GJB7: variants seen among roughly 807,000 people sequenced by gnomAD.
The protein encoded by GJB7 is gap junction beta-7 protein.
For missense variants in GJB7, 253 were observed against 256.8 expected, an observed-to-expected ratio of 0.99 and a Z score of 0.10; for synonymous variants, 87 against 95.2, an observed-to-expected ratio of 0.91 and a Z score of 0.50.
At chr6:87,308,614 GAA>G (rs1257302490) in intron 2 of GJB7, among the ~76,000 whole-genome samples, 2 of 152,090 alleles carry the variant, frequency 1.3e-5, no homozygotes, top group Non-Finnish European at 2.9e-5. Context: ...CAAAATGAGA[GAA>G]AAGAGAAAAT....
intron 2 of GJB7, among the ~76,000 whole-genome samples, chr6:87,313,263 G>C (rs1776535906): frequency 6.6e-6 from 1 of 152,310 alleles, no homozygotes; most frequent in African/African-American, 2.4e-5. Flanking sequence ...AAATAAAAGA[G>C]AAGGAATTCT....
intron 2 of GJB7, chr6:87,299,117 T>C: frequency 4.1e-6 from 2 of 485,686 alleles, no homozygotes; most frequent in South Asian, 3.0e-5. Flanking sequence ...TGTACTGCCA[T>C]GCTCTTTTGC....
intron 2 of GJB7, among the ~76,000 whole-genome samples, chr6:87,314,966 G>A (rs563786114): frequency 3.7e-4 from 56 of 152,030 alleles, no homozygotes; most frequent in Non-Finnish European, 7.2e-4. Flanking sequence ...GGTAACTCAG[G>A]AATCTCTCTT....
rs1266807656 is a variant in GJB7 at position 87,284,584 on chromosome 6, T to C, written c.329A>G (p.Tyr110Cys). The C allele has an allele frequency of 3.1e-6, 5 of 1,614,008 alleles. No homozygotes were observed. Among genetic ancestry groups the C allele is most frequent in the Non-Finnish European group, 4.2e-6 (5 of 1,179,998 alleles). The change falls in exon 3 of 3, where the codon TAT becomes TGT. Residue 110 changes from tyrosine to cysteine, a missense_variant. Physicochemically the swap from Tyr to Cys is radical, Grantham distance 194 (BLOSUM62 -2). Coordinates refer to ENST00000525899, the MANE Select transcript of GJB7 (RefSeq NM_198568.3). ...GREKRHRKKL[Y>C]VSPGTMDGGL... is the part of the protein sequence containing the mutation. ...CCCATCCATTGTACCTGGGCTGACATAGAGTTTCTTTCTGTGCCTTTTCTC... is the reference window on the plus strand; with the variant it reads ...CCCATCCATTGTACCTGGGCTGACACAGAGTTTCTTTCTGTGCCTTTTCTC...
intron 1 of GJB7, among the ~76,000 whole-genome samples, chr6:87,328,582 A>T (rs1776901966): frequency 6.6e-6 from 1 of 152,006 alleles, no homozygotes; most frequent in South Asian, 2.1e-4. Context: ...GGGGTCAGGG[A>T]CCCACTTGAG....
chr6:87,303,934 A>G (rs434994), intron 2 of GJB7, among the ~76,000 whole-genome samples: 77,773 of 152,056 alleles, frequency 0.51, 20,518 homozygotes, highest in Non-Finnish European at 0.58. Context: ...TACAGGGTAC[A>G]TAATGAAATG....
intron 2 of GJB7, among the ~76,000 whole-genome samples, chr6:87,289,929 T>A (rs1486265792): frequency 6.6e-6 from 1 of 152,218 alleles, no homozygotes; most frequent in Non-Finnish European, 1.5e-5. Flanking sequence ...AGTGCTGGTT[T>A]GAAACTTGTG....
intron 2 of GJB7, among the ~76,000 whole-genome samples, chr6:87,292,601 G>A (rs1278381854): frequency 6.6e-6 from 1 of 152,136 alleles, no homozygotes; most frequent in Non-Finnish European, 1.5e-5. Context: ...GTGATTTAAA[G>A]TACTTTATCC....
intron 2 of GJB7, among the ~76,000 whole-genome samples, chr6:87,295,414 G>C (rs774062215): frequency 6.6e-6 from 1 of 152,176 alleles, no homozygotes; most frequent in Non-Finnish European, 1.5e-5. Context: ...CAAATGACAA[G>C]TGTTTTTGAG....
intron 2 of GJB7, among the ~76,000 whole-genome samples, chr6:87,306,668 T>G (rs1331797604): frequency 6.6e-6 from 1 of 152,058 alleles, no homozygotes; most frequent in Admixed American, 6.6e-5. Flanking sequence ...AGCCATCCCA[T>G]TACTGGGTAT....
At chr6:87,289,169 C>T (rs1314945732) in intron 2 of GJB7, among the ~76,000 whole-genome samples, 1 of 152,138 alleles carries the variant, frequency 6.6e-6, no homozygotes, top group African/African-American at 2.4e-5. Flanking sequence ...CCATTCTGTT[C>T]CTCCTTCCTG....
In GJB7 at chr6:87,290,948, C is replaced by A. The variant is rs185466833; in HGVS notation, c.-27-6009G>T. 4.2e-3 allele frequency among the ~76,000 whole-genome samples: 633 copies of A among 152,258 alleles called. 1 individual carries two copies. Among genetic ancestry groups the A allele is most frequent in the Non-Finnish European group, 6.1e-3 (414 of 68,010 alleles). On this transcript the variant is annotated intron_variant, in intron 2 of 2. Transcript: ENST00000525899. ...TTTAATTATTTTAGCCTATGAGAAA[C>A]AACACATAACGGGTATGCTCAAGAG... is the stretch of plus-strand genomic sequence containing the variant.
At chr6:87,291,322 T>A (rs1464840056) in intron 2 of GJB7, among the ~76,000 whole-genome samples, 2 of 152,052 alleles carry the variant, frequency 1.3e-5, no homozygotes, top group African/African-American at 2.4e-5. Context: ...ATTAAAAAAA[T>A]AATATAAAAA....
intron 2 of GJB7, among the ~76,000 whole-genome samples, chr6:87,295,906 C>A (rs138192617): frequency 5.9e-5 from 9 of 152,338 alleles, no homozygotes; most frequent in Non-Finnish European, 1.0e-4. Context: ...TCACATATTA[C>A]CTAACATCAA....
At chr6:87,287,651 G>GA (rs1247118043) in intron 2 of GJB7, among the ~76,000 whole-genome samples, 1 of 152,046 alleles carries the variant, frequency 6.6e-6, no homozygotes, top group Non-Finnish European at 1.5e-5. Context: ...GATTAAAAAG[G>GA]AAAAAATATG....
chr6:87,302,020 C>T (rs76239806), intron 2 of GJB7, among the ~76,000 whole-genome samples: 8 of 152,130 alleles, frequency 5.3e-5, no homozygotes, highest in Non-Finnish European at 7.4e-5. Context: ...ACACCAAAAC[C>T]CCATCTGTAC....
chr6:87,314,050 C>G (rs1395620184), intron 2 of GJB7, among the ~76,000 whole-genome samples: 1 of 152,184 alleles, frequency 6.6e-6, no homozygotes, highest in Non-Finnish European at 1.5e-5. Context: ...GGGACATCTC[C>G]CCTAAATAGC....
At chr6:87,307,204 A>C (rs1776442387) in intron 2 of GJB7, among the ~76,000 whole-genome samples, 1 of 123,388 alleles carries the variant, frequency 8.1e-6, no homozygotes, top group Admixed American at 8.6e-5. Flanking sequence ...TTTTTAGCCA[A>C]AAAAAAAAAA....
At chr6:87,315,961 TAGTTTCAGTCA>T (rs1176337772) in intron 2 of GJB7, among the ~76,000 whole-genome samples, 2 of 152,298 alleles carry the variant, frequency 1.3e-5, no homozygotes, top group Admixed American at 6.5e-5. Context: ...GAACTTGAGT[TAGTTTCAGTCA>T]AGTTTCTGTC....
Sources: allele counts gnomAD v4.1 joint callset (sites outside exome capture counted in the v4.1 genomes callset), GRCh38; gene constraint gnomAD v4.1.1; transcripts MANE v1.5; gene names NCBI Gene and HGNC (gene_info 2026-07-23, HGNC 2026-07-21).